BRAF: variants seen among roughly 807,000 people sequenced by gnomAD.
The protein encoded by BRAF is serine/threonine-protein kinase B-raf.
Under a neutral mutation model 104.6 loss-of-function variants are expected in BRAF, and 16 were observed. The observed-to-expected ratio is 0.15, with a 90% CI of 0.10 to 0.23. BRAF has a LOEUF of 0.23. Ranked by LOEUF, BRAF falls within the 10% of genes least tolerant of loss-of-function variation. The pLI is 1.00. For missense variants in BRAF, 541 were observed against 937.3 expected (o/e 0.58, Z 5.52); for synonymous variants, 310 against 341.6 (o/e 0.91, Z 1.02).
At chr7:140,898,265 A>C (rs918461301) in intron 1 of BRAF, among the ~76,000 whole-genome samples, 13 of 152,312 alleles carry the variant, frequency 8.5e-5, no homozygotes, top group African/African-American at 3.1e-4. Context: ...TGATGGATAA[A>C]GAAGACTATC....
chr7:140,874,243 C>G (rs1026430733), intron 1 of BRAF, among the ~76,000 whole-genome samples: 3 of 149,266 alleles, frequency 2.0e-5, no homozygotes, highest in Non-Finnish European at 3.0e-5. Context: ...CTCACTGTCG[C>G]CAGACTGGAG....
rs1275611075 is a variant in BRAF, at chr7:140,721,888, G to A, written c.*4606C>T. ...GATGACTAACGCAGTCCAGCTTCATGTGCAATCAAGTCCCGGGAAGAAATT... is the reference window on the plus strand; with the variant it reads ...GATGACTAACGCAGTCCAGCTTCATATGCAATCAAGTCCCGGGAAGAAATT... On this transcript the variant is annotated 3_prime_UTR_variant, in exon 20 of 20. Transcript: ENST00000644969. The A allele has an allele frequency of 8.0e-7, 1 of 1,255,296 alleles. No homozygotes were observed. Among genetic ancestry groups the A allele is most frequent in the African/African-American group, 1.5e-5 (1 of 64,658 alleles). The allele number at this position is 1,255,296 out of a possible 1,614,324, so 77.8% of individuals were successfully genotyped here.
chr7:140,847,117 G>A (rs1377540217), intron 2 of BRAF, among the ~76,000 whole-genome samples: 2 of 152,060 alleles, frequency 1.3e-5, no homozygotes, highest in Non-Finnish European at 2.9e-5. Flanking sequence ...TCGTGCTACT[G>A]CATGCCAGAC....
chr7:140,754,838 A>G (rs1798070671), intron 14 of BRAF, among the ~76,000 whole-genome samples: 1 of 152,228 alleles, frequency 6.6e-6, no homozygotes, highest in Admixed American at 6.5e-5. Flanking sequence ...AATTAAAACT[A>G]TTTTTAAAGG....
At chr7:140,802,259 T>C (rs1803200170) in intron 5 of BRAF, among the ~76,000 whole-genome samples, 6 of 151,682 alleles carry the variant, frequency 4.0e-5, no homozygotes, top group Admixed American at 3.9e-4. Flanking sequence ...ATCCTGACCT[T>C]GTGTAGACCT....
At chr7:140,831,154 A>T (rs1205314150) in intron 3 of BRAF, among the ~76,000 whole-genome samples, 1 of 152,206 alleles carries the variant, frequency 6.6e-6, no homozygotes, top group African/African-American at 2.4e-5. Context: ...ATTGCAGACA[A>T]TTGGGTGGAG....
rs557164232 is a variant in BRAF at position 140,784,791 on chromosome 7, TC to T, written c.1297+897del. ...TCCCAAGTAGCTGGGATTACAGGCA[TC>T]CGCCATCATGCCTAGCTAATTTTTT... On this transcript the variant is annotated intron_variant, in intron 10 of 19. Transcript: ENST00000644969. Among the ~76,000 whole-genome samples the T allele has an allele frequency of 1.1e-4, 16 of 152,156 alleles. No homozygotes were observed. In the South Asian group the frequency reaches 1.9e-3, roughly 18 times the overall value.
At chr7:140,730,276 C>A (rs1250729938) in intron 19 of BRAF, among the ~76,000 whole-genome samples, 1 of 151,780 alleles carries the variant, frequency 6.6e-6, no homozygotes, top group Admixed American at 6.6e-5. Flanking sequence ...TAAAAAAAAT[C>A]TTGGTATATT....
intron 2 of BRAF, chr7:140,835,668 G>C (rs945271870): frequency 6.6e-6 from 1 of 151,716 alleles, no homozygotes; most frequent in Non-Finnish European, 1.5e-5. Flanking sequence ...TATCTTCCTA[G>C]AAGTTTCATT....
chr7:140,794,261 G>A, intron 8 of BRAF, 47 bp downstream of exon 8: 2 of 1,598,000 alleles, frequency 1.3e-6, no homozygotes, highest in Non-Finnish European at 8.6e-7. Context: ...GAAAAATAAA[G>A]ATACATACTT....
At chr7:140,845,338 G>C (rs1808431814) in intron 2 of BRAF, among the ~76,000 whole-genome samples, 1 of 151,958 alleles carries the variant, frequency 6.6e-6, no homozygotes, top group African/African-American at 2.4e-5. Context: ...TGATATCAAA[G>C]GCAAGAGCAA....
rs528813660 is a variant in BRAF, at chr7:140,736,336, TG to T, written c.2248-1567del. On this transcript the variant is annotated intron_variant, in intron 18 of 19. Coordinates refer to ENST00000644969, the MANE Select transcript of BRAF (RefSeq NM_001374258.1). Reference sequence around the variant, plus strand: ...CACCCACCTTGGCCTCCCAAAGTGCTGGGATTACAGGTGTGAGTCACTGCGC... The same window carrying T: ...CACCCACCTTGGCCTCCCAAAGTGCTGGATTACAGGTGTGAGTCACTGCGC... 2.0e-4 allele frequency among the ~76,000 whole-genome samples: 30 copies of T among 152,192 alleles called. 1 individual carries two copies. The East Asian group carries it at 5.8e-3, about 29-fold the overall frequency.
chr7:140,797,274 T>C (rs1341446265), intron 7 of BRAF, among the ~76,000 whole-genome samples: 2 of 152,236 alleles, frequency 1.3e-5, no homozygotes, highest in Non-Finnish European at 2.9e-5. Context: ...GATACGTACA[T>C]TTTAAATGTT....
At chr7:140,858,173 G>A (rs890458080) in intron 1 of BRAF, among the ~76,000 whole-genome samples, 5 of 152,164 alleles carry the variant, frequency 3.3e-5, no homozygotes, top group African/African-American at 4.8e-5. Flanking sequence ...GATTAAAGAT[G>A]AAGGGGAAAA....
intron 14 of BRAF, among the ~76,000 whole-genome samples, chr7:140,770,031 AC>A (rs141410365): frequency 0.028 from 4,210 of 152,280 alleles, 202 homozygotes; most frequent in African/African-American, 0.094. Context: ...ATCAGAAATG[AC>A]CCAGGAAGCA....
intron 15 of BRAF, 101 bp downstream of exon 14, chr7:140,754,086 G>T: frequency 1.6e-6 from 2 of 1,216,692 alleles, no homozygotes; most frequent in South Asian, 1.2e-5. Context: ...ACAGTATATC[G>T]AACTTAGCAT....
At chr7:140,766,345 C>G (rs956184442) in intron 14 of BRAF, among the ~76,000 whole-genome samples, 1 of 151,810 alleles carries the variant, frequency 6.6e-6, no homozygotes, top group African/African-American at 2.4e-5. Flanking sequence ...TGCTAAATGA[C>G]GAGTTAATGG....
intron 1 of BRAF, among the ~76,000 whole-genome samples, chr7:140,898,398 T>C (rs891825495): frequency 2.0e-5 from 3 of 152,050 alleles, no homozygotes; most frequent in African/African-American, 7.2e-5. Flanking sequence ...AAGAAGACTA[T>C]CCATAACAGA....
intron 2 of BRAF, among the ~76,000 whole-genome samples, chr7:140,841,949 T>C (rs1808013013): frequency 1.3e-5 from 2 of 152,332 alleles, no homozygotes; most frequent in South Asian, 4.1e-4. Context: ...ATAAAAATTT[T>C]ATTTTTTATC....
Sources: gnomAD v4.1 joint callset for allele counts (sites outside exome capture counted in the v4.1 genomes callset) on GRCh38, gnomAD v4.1.1 for gene constraint, MANE v1.5 for transcripts, NCBI Gene and HGNC (gene_info 2026-07-23, HGNC 2026-07-21) for gene names.